Variants in HOXB7 observed in about 807,000 individuals in gnomAD.
HOXB7 encodes the protein homeobox protein Hox-B7.
Under a neutral mutation model 19.2 loss-of-function variants are expected in HOXB7, and 11 were observed. That is an observed-to-expected ratio of 0.57 (90% CI 0.36 to 0.95). The LOEUF (loss-of-function observed/expected upper bound fraction) is 0.95, where lower values mean the gene tolerates loss of function less well. Ranked by LOEUF, HOXB7 falls within the 40% of genes least tolerant of loss-of-function variation. HOXB7 has a pLI of 0.01. For synonymous variants in HOXB7, 141 were observed against 130.2 expected, an observed-to-expected ratio of 1.08 and a Z score of -0.56; for missense variants, 318 against 301.1, an observed-to-expected ratio of 1.06 and a Z score of -0.42.
Position 48,610,615 on chromosome 17 carries a change from C to A in HOXB7, c.304G>T (p.Gly102Cys), listed in dbSNP as rs1597887760. The A allele has an allele frequency of 2.6e-6, 4 of 1,558,904 alleles. No homozygotes were observed. In the East Asian group the frequency reaches 9.7e-5, roughly 38 times the overall value. The part of the protein sequence containing the change: ...FEQNLSGVCP[G>C]DSAKAAGAKE... ...GCGCCCGCCGCCTTGGCGGAGTCGC[C>A]GGGACACACCCCGGAGAGGTTCTGC... is the stretch of plus-strand genomic sequence containing the variant. Residue 102 changes from glycine (G) to cysteine (C), a missense_variant, in exon 1 of 2, where the codon GGC (glycine) becomes TGC (cysteine). Coordinates refer to ENST00000239165, the MANE Select transcript of HOXB7 (RefSeq NM_004502.4).
At position 48,610,787 on chromosome 17, in the gene HOXB7, T is replaced by A; in HGVS notation, c.132A>T (p.Gly44=). Residue 44 remains glycine (G), a synonymous_variant, in exon 1 of 2, where the codon GGA becomes GGT. Coordinates refer to ENST00000239165, the MANE Select transcript of HOXB7 (RefSeq NM_004502.4). ...FASNPQRPGY[G]AGSGASFAAS... is the part of the protein sequence containing the mutation. ...CGGCGAAGGAAGCGCCCGAACCCGC[T>A]CCATAGCCCGGGCGCTGGGGGTTGG... The A allele has an allele frequency of 6.3e-7, 1 of 1,596,262 alleles. No homozygotes were observed.
In HOXB7 at chr17:48,610,646, G is replaced by T; in HGVS notation, c.273C>A (p.Pro91=). ...EPSSFNMHCA[P]FEQNLSGVCP... Reference sequence around the variant, plus strand: ...ACACCCCGGAGAGGTTCTGCTCAAAGGGCGCGCAGTGCATGTTGAAGGAAC... The same window carrying T: ...ACACCCCGGAGAGGTTCTGCTCAAATGGCGCGCAGTGCATGTTGAAGGAAC... The change falls in exon 1 of 2, where the codon CCC becomes CCA. Residue 91 remains proline, a synonymous_variant. Transcript: ENST00000239165. The T allele has an allele frequency of 6.4e-7, 1 of 1,574,624 alleles. No individual in the cohort carries two copies. The highest frequency in any genetic ancestry group is 8.6e-7 in the Non-Finnish European group (1 of 1,160,072).
chr17:48,609,253 T>TA (rs1328724938), intron 1 of HOXB7, among the ~76,000 whole-genome samples: 1 of 152,192 alleles, frequency 6.6e-6, no homozygotes, highest in African/African-American at 2.4e-5. Flanking sequence ...GAGGAGACTT[T>TA]AAAGAGGTGC....
chr17:48,610,950 T>G lies in HOXB7; in HGVS notation c.-32A>C, dbSNP rs753272394. 1 of 1,459,064 alleles carries G rather than the reference T, an allele frequency of 6.9e-7. No homozygotes were observed. The highest frequency in any genetic ancestry group is 9.1e-7 in the Non-Finnish European group (1 of 1,101,282). 90.4% of individuals were successfully genotyped at this position (1,459,064 alleles called of 1,614,324 possible). On this transcript the variant is annotated 5_prime_UTR_variant, in exon 1 of 2. Coordinates refer to ENST00000239165, the MANE Select transcript of HOXB7 (RefSeq NM_004502.4). ...GCCGGATGATTTGTAGGCAGGGACGTTTTAGTGTCGGTTTTACGAGATTCC... is the reference window on the plus strand; with the variant it reads ...GCCGGATGATTTGTAGGCAGGGACGGTTTAGTGTCGGTTTTACGAGATTCC...
intron 1 of HOXB7, among the ~76,000 whole-genome samples, chr17:48,608,493 G>A (rs138847935): frequency 2.1e-4 from 31 of 150,146 alleles, no homozygotes; most frequent in African/African-American, 7.1e-4. Flanking sequence ...CCGTGTATGT[G>A]ATTTGAAGTC....
At position 48,607,813 on chromosome 17, in the gene HOXB7, T is replaced by C. The variant is rs757871816; in HGVS notation, c.*29A>G. 1.3e-6 allele frequency: 2 copies of C among 1,567,098 alleles called. No homozygotes were observed. Among genetic ancestry groups the C allele is most frequent in the Admixed American group, 1.7e-5 (1 of 59,426 alleles). ...GGCTTCTCTTCCTCTCCCTTTCTCA[T>C]GTCTCTTCCTCTGCCCTTTCTCCAT... On this transcript the variant is annotated 3_prime_UTR_variant, in exon 2 of 2. Transcript: ENST00000239165.
intron 1 of HOXB7, among the ~76,000 whole-genome samples, chr17:48,610,089 G>T (rs1436953763): frequency 1.3e-5 from 2 of 152,136 alleles, no homozygotes; most frequent in East Asian, 3.9e-4. Flanking sequence ...GGGGCAGGGG[G>T]ACACACCCAG....
intron 1 of HOXB7, 106 bp downstream of exon 1, chr17:48,610,412 TG>T: frequency 8.5e-7 from 1 of 1,181,882 alleles, no homozygotes; most frequent in South Asian, 2.1e-5. Flanking sequence ...GACCTCCGGC[TG>T]GGAGCACTCT....
In HOXB7 at chr17:48,607,837, A is replaced by G. The variant is rs749560388; in HGVS notation, c.*5T>C. 6.2e-7 allele frequency: 1 copy of G among 1,604,358 alleles called. No individual in the cohort carries two copies. Among genetic ancestry groups the G allele is most frequent in the Non-Finnish European group, 8.5e-7 (1 of 1,174,060 alleles). On this transcript the variant is annotated 3_prime_UTR_variant, in exon 2 of 2. Transcript: ENST00000239165. ...ATGTCTCTTCCTCTGCCCTTTCTCC[A>G]TCCCTCACTCTTCCTCTTCCTCCTC...
chr17:48,609,833 G>T (rs139805124), intron 1 of HOXB7, among the ~76,000 whole-genome samples: 151 of 152,204 alleles, frequency 9.9e-4, no homozygotes, highest in African/African-American at 3.3e-3. Flanking sequence ...TAGTTCTCCT[G>T]TTCCACTCCC....
At chr17:48,610,493 C>T in intron 1 of HOXB7, 26 bp downstream of exon 1, 1 of 1,445,278 alleles carries the variant, frequency 6.9e-7, no homozygotes, top group Non-Finnish European at 9.1e-7. Context: ...CCCTGGGGCT[C>T]AGGACAGCTC....
In HOXB7 at chr17:48,610,933, A is replaced by G. The variant is rs1369361685; in HGVS notation, c.-15T>C. ...AATGAACTCATAATTTGGCCGGATG[A>G]TTTGTAGGCAGGGACGTTTTAGTGT... On this transcript the variant is annotated 5_prime_UTR_variant, in exon 1 of 2. Coordinates refer to ENST00000239165, the MANE Select transcript of HOXB7 (RefSeq NM_004502.4). The G allele has an allele frequency of 6.8e-7, 1 of 1,473,870 alleles. No homozygotes were observed. The highest frequency in any genetic ancestry group is 1.4e-5 in the African/African-American group (1 of 69,570). The allele number at this position is 1,473,870 out of a possible 1,614,324, so 91.3% of individuals were successfully genotyped here.
chr17:48,607,560 A>T lies in HOXB7; in HGVS notation c.*282T>A. On this transcript the variant is annotated 3_prime_UTR_variant, in exon 2 of 2. Transcript: ENST00000239165. ...AATTCCAGAAAGCTACAGAACAGGT[A>T]GATAATATCCTTTTCATATTGTACA... 1 of 378,342 alleles carries T rather than the reference A, an allele frequency of 2.6e-6. No homozygotes were observed. Among genetic ancestry groups the T allele is most frequent in the Non-Finnish European group, 4.7e-6 (1 of 211,466 alleles). 23.4% of individuals were successfully genotyped at this position (378,342 alleles called of 1,614,324 possible).
At position 48,607,714 on chromosome 17, in the gene HOXB7, G is replaced by GTT. The variant is rs11454153; in HGVS notation, c.*126_*127dup. 483 of 634,178 alleles carry GTT rather than the reference G, an allele frequency of 7.6e-4. No homozygotes were observed. The highest frequency in any genetic ancestry group is 1.5e-3 in the Admixed American group (38 of 25,824). 39.3% of individuals were successfully genotyped at this position (634,178 alleles called of 1,614,324 possible). A position where few individuals can be genotyped will look rare whatever the true frequency, so the allele number is the denominator to read the frequency against. On this transcript the variant is annotated 3_prime_UTR_variant, in exon 2 of 2. Coordinates refer to ENST00000239165, the MANE Select transcript of HOXB7 (RefSeq NM_004502.4). ...TTCATTTAAATAGGGTTTTTTTTTT[G>GTT]TTTTTTTTGTTTTTTGTTTTGTTTT...
chr17:48,609,809 C>T (rs999924208), intron 1 of HOXB7, among the ~76,000 whole-genome samples: 1 of 152,192 alleles, frequency 6.6e-6, no homozygotes, highest in African/African-American at 2.4e-5. Context: ...TCCCATGAAG[C>T]CTCTGCCCCT....
chr17:48,609,878 C>T (rs1447047829), intron 1 of HOXB7, among the ~76,000 whole-genome samples: 4 of 152,204 alleles, frequency 2.6e-5, no homozygotes, highest in African/African-American at 4.8e-5. Flanking sequence ...AGGATCATCT[C>T]CTTTGGCCTC....
chr17:48,610,445 GC>G, intron 1 of HOXB7, 73 bp downstream of exon 1: 1 of 1,343,214 alleles, frequency 7.4e-7, no homozygotes, highest in South Asian at 1.9e-5. Context: ...GGGGCGCCCA[GC>G]CGGGAAGGAG....
chr17:48,607,950 C>A lies in HOXB7; in HGVS notation c.546G>T (p.Lys182Asn). The change falls in exon 2 of 2, where the codon AAG becomes AAT. Residue 182 changes from lysine (K) to asparagine (N), a missense_variant. Physicochemically the swap from Lys to Asn is moderately conservative, Grantham distance 94. Transcript: ENST00000239165. Reference sequence around the variant, plus strand: ...TCATGCGCCGGTTCTGAAACCAAATCTTGATCTGTCTTTCCGTGAGGCAGA... The same window carrying A: ...TCATGCGCCGGTTCTGAAACCAAATATTGATCTGTCTTTCCGTGAGGCAGA... ...HTLCLTERQI[K>N]IWFQNRRMKW... 6.2e-7 allele frequency: 1 copy of A among 1,614,198 alleles called. No homozygotes were observed. Among genetic ancestry groups the A allele is most frequent in the Non-Finnish European group, 8.5e-7 (1 of 1,180,044 alleles).
At chr17:48,608,116 A>G (rs779768655) in intron 1 of HOXB7, 21 bp from the exon 2 acceptor site, 29 of 1,599,334 alleles carry the variant, frequency 1.8e-5, no homozygotes, top group Non-Finnish European at 2.4e-5. Flanking sequence ...TATTCAGAGG[A>G]AAATCAGTGA....
Sources: gnomAD v4.1 joint callset for allele counts (sites outside exome capture counted in the v4.1 genomes callset) on GRCh38, gnomAD v4.1.1 for gene constraint, MANE v1.5 for transcripts, NCBI Gene and HGNC (gene_info 2026-07-23, HGNC 2026-07-21) for gene names.